The following C6orf62 variants were observed in gnomAD, a reference collection of about 807,000 sequenced individuals.
C6orf62 encodes chromosome 6 open reading frame 62, also known as uncharacterized protein C6orf62.
A neutral mutation model predicts 26.8 loss-of-function variants in C6orf62; 16 were observed. That is an observed-to-expected ratio of 0.60 (90% CI 0.40 to 0.91). The LOEUF (loss-of-function observed/expected upper bound fraction) is 0.91, where lower values mean the gene tolerates loss of function less well. Among genes scored for constraint, C6orf62 ranks in the 40% least tolerant of loss-of-function variants. C6orf62 has a pLI of 0.00. For missense variants in C6orf62, 192 were observed against 271.4 expected (o/e 0.71, Z 2.06); for synonymous variants, 112 against 91.5 (o/e 1.22, Z -1.28).
chr6:24,709,610 CTA>C (rs1779081440), intron 3 of C6orf62: 28 of 985,312 alleles, frequency 2.8e-5, no homozygotes, highest in African/African-American at 5.2e-5. Flanking sequence ...CATAGATAGG[CTA>C]TGTTTTTATG....
chr6:24,706,241 T>C lies in C6orf62; in HGVS notation c.586A>G (p.Ile196Val), dbSNP rs149237704. The C allele has an allele frequency of 2.0e-4, 324 of 1,614,084 alleles. No homozygotes were observed. The highest frequency in any genetic ancestry group is 5.3e-4 in the Admixed American group (32 of 60,008). Residue 196 changes from isoleucine (I) to valine (V), a missense_variant, in exon 5 of 5, where the codon ATC (isoleucine) becomes GTC (valine). Coordinates refer to ENST00000378119, the MANE Select transcript of C6orf62 (RefSeq NM_030939.5). The stretch of plus-strand genomic sequence containing the variant: ...AGGCAGATGCTGCATAACTTGAAGA[T>C]TGTAGCTTTGTTTTTTGGAGTCTGG... Reference protein sequence around the residue: ...HLQTPKNKATIFKLCSICLYL... With the variant: ...HLQTPKNKATVFKLCSICLYL...
At chr6:24,708,006 C>G (rs1779044991) in intron 4 of C6orf62, among the ~76,000 whole-genome samples, 1 of 144,862 alleles carries the variant, frequency 6.9e-6, no homozygotes, top group Non-Finnish European at 1.5e-5. Flanking sequence ...GACTCCCTCT[C>G]AAGAAAAAAA....
upstream of C6orf62, chr6:24,720,089 G>A (rs890777915): frequency 5.6e-5 from 71 of 1,269,244 alleles, no homozygotes; most frequent in African/African-American, 1.2e-3. Context: ...TGTTTCCAGA[G>A]TTTGGATTGT....
intron 4 of C6orf62, chr6:24,707,092 G>GAC (rs909519816): frequency 5.9e-5 from 9 of 152,122 alleles, no homozygotes; most frequent in Non-Finnish European, 1.2e-4. Context: ...TAAGGACTCT[G>GAC]ACTTTGAAGA....
At chr6:24,712,670 AAC>A (rs1262909534) in intron 3 of C6orf62, among the ~76,000 whole-genome samples, 2 of 141,362 alleles carry the variant, frequency 1.4e-5, no homozygotes, top group Admixed American at 1.5e-4. Context: ...CCAATCTGGC[AAC>A]AGAGTGAGAC....
intron 1 of C6orf62, 134 bp from the exon 2 acceptor site, chr6:24,716,458 C>G: frequency 1.6e-6 from 1 of 626,218 alleles, no homozygotes; most frequent in Admixed American, 2.9e-5. Flanking sequence ...ACTGAAAACA[C>G]ATTTTCAGAT....
At chr6:24,714,534 T>G in intron 2 of C6orf62, 94 bp from the exon 3 acceptor site, 1 of 870,786 alleles carries the variant, frequency 1.1e-6, no homozygotes, top group South Asian at 1.9e-5. Flanking sequence ...TAAAAACATT[T>G]TATAAGTACA....
At chr6:24,714,232 TC>T (rs1244478620) in intron 3 of C6orf62, 85 bp downstream of exon 3, 16 of 1,050,184 alleles carry the variant, frequency 1.5e-5, no homozygotes, top group Non-Finnish European at 2.1e-5. Flanking sequence ...GAAACCATTT[TC>T]CCAAAGAATT....
chr6:24,714,196 G>T, intron 3 of C6orf62, 122 bp downstream of exon 3: 1 of 707,104 alleles, frequency 1.4e-6, no homozygotes, highest in Non-Finnish European at 2.2e-6. Context: ...TTCTAAATAG[G>T]GGAGACTCGT....
rs544230337 is a variant in C6orf62 at position 24,711,158 on chromosome 6, A to G, written c.430-2247T>C. 9.6e-4 allele frequency among the ~76,000 whole-genome samples: 146 copies of G among 152,330 alleles called. 3 individuals carry two copies. Among genetic ancestry groups the G allele is most frequent in the Non-Finnish European group, 1.4e-3 (93 of 68,022 alleles). The stretch of plus-strand genomic sequence containing the variant: ...ACCACACTGAAAAAAGGTTTGAGTG[A>G]GACTGAAAAAGGCCTTCCTTATAGT... On this transcript the variant is annotated intron_variant, in intron 3 of 4. Transcript: ENST00000378119.
chr6:24,719,577 T>C, upstream of C6orf62: 3 of 1,332,462 alleles, frequency 2.3e-6, no homozygotes, highest in Non-Finnish European at 2.9e-6. Context: ...AAAAGGGGTA[T>C]ATAATACGGT....
chr6:24,718,607 T>C lies in C6orf62; in HGVS notation c.62A>G (p.Lys21Arg). Reference protein sequence around the residue: ...ALNRLRAQLRKKKESLADQFD... With the variant: ...ALNRLRAQLRRKKESLADQFD... ...CTGGTCAGCTAGAGATTCTTTTTTC[T>C]TTCTAAGCTGAGCACGTAGTCTGTT... The change falls in exon 1 of 5, where the codon AAG (lysine) becomes AGG (arginine). Residue 21 changes from lysine (K) to arginine (R), a missense_variant. By Grantham distance (26) the Lys-to-Arg change is conservative. Transcript: ENST00000378119. 6.2e-7 allele frequency: 1 copy of C among 1,614,120 alleles called. No individual in the cohort carries two copies. The highest frequency in any genetic ancestry group is 8.5e-7 in the Non-Finnish European group (1 of 1,180,018).
chr6:24,718,157 AAC>A (rs1485654344), intron 1 of C6orf62, among the ~76,000 whole-genome samples: 4 of 152,238 alleles, frequency 2.6e-5, no homozygotes, highest in African/African-American at 7.2e-5. Flanking sequence ...TTAGCATATA[AAC>A]AGTCTGATTA....
At chr6:24,719,508 A>C, upstream of C6orf62, 2 of 1,137,174 alleles carry the variant, frequency 1.8e-6, no homozygotes, top group Non-Finnish European at 2.2e-6. Context: ...CATCACCCAC[A>C]TTTTCACCCT....
intron 2 of C6orf62, 152 bp downstream of exon 2, chr6:24,715,996 G>T: frequency 1.6e-6 from 1 of 631,338 alleles, no homozygotes. Context: ...TTAAAGTCAT[G>T]ATCCCAGTTA....
chr6:24,708,731 A>T (rs780253475), intron 4 of C6orf62, 46 bp downstream of exon 4: 2 of 1,611,344 alleles, frequency 1.2e-6, no homozygotes, highest in Admixed American at 3.4e-5. Flanking sequence ...ACTAACCAAT[A>T]AGTTTTTGAA....
chr6:24,718,936 G>A lies in C6orf62; in HGVS notation c.-268C>T, dbSNP rs1284479343. On this transcript the variant is annotated 5_prime_UTR_variant, in exon 1 of 5. Transcript: ENST00000378119. ...GACGGGAAAAAGGGAGGAAAGAAAG[G>A]AAAGAAAGAGGAGAAAATAACTAAC... 2 of 1,242,972 alleles carry A rather than the reference G, an allele frequency of 1.6e-6. No homozygotes were observed. The highest frequency in any genetic ancestry group is 1.6e-5 in the African/African-American group (1 of 63,584). The allele number at this position is 1,242,972 out of a possible 1,614,324, so 77.0% of individuals were successfully genotyped here. A position where few individuals can be genotyped will look rare whatever the true frequency, so the allele number is the denominator to read the frequency against.
intron 4 of C6orf62, among the ~76,000 whole-genome samples, chr6:24,708,294 C>G (rs1039766515): frequency 1.3e-5 from 2 of 148,784 alleles, no homozygotes; most frequent in Non-Finnish European, 3.0e-5. Flanking sequence ...CTGTAACATG[C>G]AGCAAAATTT....
At chr6:24,710,146 G>C (rs1298425712) in intron 3 of C6orf62, 2 of 985,114 alleles carry the variant, frequency 2.0e-6, no homozygotes, top group African/African-American at 3.5e-5. Flanking sequence ...ATAGGAATAA[G>C]GTTACTTCAG....
Sources: allele counts gnomAD v4.1 joint callset (sites outside exome capture counted in the v4.1 genomes callset), GRCh38; gene constraint gnomAD v4.1.1; transcripts MANE v1.5; gene names NCBI Gene and HGNC (gene_info 2026-07-23, HGNC 2026-07-21).